BANK1: variants seen among roughly 807,000 people sequenced by gnomAD.
The protein encoded by BANK1 is B cell scaffold protein with ankyrin repeats 1.
A neutral mutation model predicts 94.5 loss-of-function variants in BANK1; 95 were observed. The observed-to-expected ratio is 1.00, with a 90% CI of 0.85 to 1.19. BANK1 has a LOEUF of 1.19. Ranked by LOEUF, BANK1 falls within the 50% of genes most tolerant of loss-of-function variation. The pLI is 0.00. For missense variants in BANK1, 987 were observed against 932.2 expected (o/e 1.06, Z -0.77); for synonymous variants, 334 against 308.4 (o/e 1.08, Z -0.87).
At chr4:101,853,673 TTAATGGAATATTAATGACTC>T (rs1727576923) in intron 2 of BANK1, among the ~76,000 whole-genome samples, 1 of 152,136 alleles carries the variant, frequency 6.6e-6, no homozygotes, top group African/African-American at 2.4e-5. Context: ...ATTTGACATA[TTAATGGAATATTAATGACTC>T]TACTTGGAAG....
intron 7 of BANK1, among the ~76,000 whole-genome samples, chr4:101,985,982 C>T (rs1008400238): frequency 2.0e-5 from 3 of 152,136 alleles, no homozygotes; most frequent in African/African-American, 7.2e-5. Flanking sequence ...CATTAATTCA[C>T]TTACTCCATT....
intron 7 of BANK1, among the ~76,000 whole-genome samples, chr4:101,939,072 A>G (rs1723661636): frequency 6.6e-6 from 1 of 151,658 alleles, no homozygotes; most frequent in South Asian, 2.1e-4. Flanking sequence ...TTCTTCCAAT[A>G]TTTTGAATTT....
intron 7 of BANK1, among the ~76,000 whole-genome samples, chr4:101,999,824 A>G (rs1726000829): frequency 6.6e-6 from 1 of 152,196 alleles, no homozygotes; most frequent in African/African-American, 2.4e-5. Flanking sequence ...AGTCATCCAA[A>G]CAAAGAACAG....
At chr4:102,053,754 A>G (rs1438786438) in intron 11 of BANK1, among the ~76,000 whole-genome samples, 3 of 151,940 alleles carry the variant, frequency 2.0e-5, no homozygotes, top group Admixed American at 2.0e-4. Context: ...AAATATTGGT[A>G]ATAAAGAAAA....
intron 2 of BANK1, among the ~76,000 whole-genome samples, chr4:101,831,556 C>T (rs1726621332): frequency 6.6e-6 from 1 of 152,088 alleles, no homozygotes; most frequent in Non-Finnish European, 1.5e-5. Flanking sequence ...TTCATGGCAA[C>T]CTCTGCCTCC....
At chr4:101,855,014 C>T (rs1727626231) in intron 2 of BANK1, 21 bp from the exon 3 acceptor site, 3 of 1,572,560 alleles carry the variant, frequency 1.9e-6, no homozygotes, top group Non-Finnish European at 1.7e-6. Context: ...TTATAATCTA[C>T]ATTCATAAAA....
At chr4:101,940,607 G>A (rs1232408522) in intron 7 of BANK1, among the ~76,000 whole-genome samples, 1 of 151,662 alleles carries the variant, frequency 6.6e-6, no homozygotes, top group African/African-American at 2.4e-5. Flanking sequence ...CCTTGTGTTT[G>A]ATGACTTAAT....
intron 7 of BANK1, among the ~76,000 whole-genome samples, chr4:101,947,367 C>T (rs1477214415): frequency 6.9e-6 from 1 of 144,946 alleles, no homozygotes; most frequent in Non-Finnish European, 1.5e-5. Flanking sequence ...CACTCTTCAT[C>T]TGGTAAAGGA....
intron 1 of BANK1, among the ~76,000 whole-genome samples, chr4:101,810,718 T>A (rs1164926359): frequency 6.6e-6 from 1 of 152,206 alleles, no homozygotes; most frequent in Non-Finnish European, 1.5e-5. Context: ...CTGTTATAAT[T>A]CTTACTAGTA....
chr4:101,904,549 C>G (rs1370753607), intron 6 of BANK1, among the ~76,000 whole-genome samples: 1 of 152,154 alleles, frequency 6.6e-6, no homozygotes, highest in Non-Finnish European at 1.5e-5. Context: ...TTGGCAGGAA[C>G]TTTGTTTTTC....
At chr4:101,911,992 T>C (rs1457485696) in intron 6 of BANK1, among the ~76,000 whole-genome samples, 2 of 152,112 alleles carry the variant, frequency 1.3e-5, no homozygotes, top group Non-Finnish European at 2.9e-5. Context: ...CTCTCTAATA[T>C]CCATTCATTT....
chr4:101,833,821 CCAT>C (rs1726718674), intron 2 of BANK1, among the ~76,000 whole-genome samples: 1 of 152,174 alleles, frequency 6.6e-6, no homozygotes, highest in Non-Finnish European at 1.5e-5. Flanking sequence ...TCACAGTACA[CCAT>C]AATGTTCAAA....
intron 1 of BANK1, among the ~76,000 whole-genome samples, chr4:101,808,939 A>T (rs529322794): frequency 7.9e-4 from 121 of 152,340 alleles, no homozygotes; most frequent in Middle Eastern, 3.4e-3. Flanking sequence ...AACAGTATGG[A>T]GAGTCCTTAA....
At chr4:101,904,338 G>A (rs969648343) in intron 6 of BANK1, among the ~76,000 whole-genome samples, 1 of 152,122 alleles carries the variant, frequency 6.6e-6, no homozygotes, top group Non-Finnish European at 1.5e-5. Context: ...TTAATTACAA[G>A]AACTGGAGAA....
intron 7 of BANK1, among the ~76,000 whole-genome samples, chr4:101,923,342 G>A (rs751075102): frequency 6.6e-6 from 1 of 151,500 alleles, no homozygotes; most frequent in African/African-American, 2.4e-5. Context: ...GTTTTGTATT[G>A]TTTAAAGACT....
intron 7 of BANK1, among the ~76,000 whole-genome samples, chr4:101,918,719 T>C (rs1420472969): frequency 6.6e-6 from 1 of 152,012 alleles, no homozygotes; most frequent in Admixed American, 6.6e-5. Context: ...ATTATGCTGA[T>C]AAATTATCAA....
chr4:101,927,829 T>C (rs1364505640), intron 7 of BANK1, among the ~76,000 whole-genome samples: 2 of 151,636 alleles, frequency 1.3e-5, no homozygotes, highest in African/African-American at 2.4e-5. Flanking sequence ...ATGCCTACTA[T>C]GTTCCAAAGT....
rs975019256 is a variant in BANK1, at chr4:102,072,396, A to G, written c.2294A>G (p.Asn765Ser). The change falls in exon 15 of 17, where the codon AAT becomes AGT. Residue 765 changes from asparagine (N) to serine (S), a missense_variant. Physicochemically the swap from Asn to Ser is conservative, Grantham distance 46. Coordinates refer to ENST00000322953, the MANE Select transcript of BANK1 (RefSeq NM_017935.5). ...ENKFYNVHFS[N>S]KLPARPQVEK... ...AAGTTTTATAATGTACACTTCAGCA[A>G]TAAGGTAGGTTGTATTTATTTTGAT... The G allele has an allele frequency of 4.4e-6, 7 of 1,590,698 alleles. No individual in the cohort carries two copies. The Admixed American group carries it at 8.4e-5, about 19-fold the overall frequency.
chr4:102,060,073 A>G (rs1728359896), intron 11 of BANK1, 138 bp from the exon 12 acceptor site: 2 of 740,012 alleles, frequency 2.7e-6, no homozygotes, highest in Admixed American at 3.5e-5. Flanking sequence ...AAACTCATTA[A>G]AAGTGTGCTG....
Sources: gnomAD v4.1 joint callset for allele counts (sites outside exome capture counted in the v4.1 genomes callset) on GRCh38, gnomAD v4.1.1 for gene constraint, MANE v1.5 for transcripts, NCBI Gene and HGNC (gene_info 2026-07-23, HGNC 2026-07-21) for gene names.